NBPF14: variants seen among roughly 807,000 people sequenced by gnomAD.
The protein encoded by NBPF14 is NBPF family member NBPF14.
In NBPF14, 104 loss-of-function variants were observed where a neutral mutation model predicts 91.2. That is an observed-to-expected ratio of 1.14 (90% CI 0.97 to 1.34). NBPF14 has a LOEUF of 1.34. Among genes scored for constraint, NBPF14 ranks in the 40% most tolerant of loss-of-function variants. The pLI, the probability that NBPF14 is intolerant of heterozygous loss-of-function variation, is 0.00. For missense variants in NBPF14, 908 were observed against 783.0 expected (o/e 1.16, Z -1.91); for synonymous variants, 294 against 303.8 (o/e 0.97, Z 0.34).
At chr1:148,559,467 G>C (rs1313553131) in intron 37 of NBPF14, among the ~76,000 whole-genome samples, 3 of 130,956 alleles carry the variant, frequency 2.3e-5, no homozygotes, top group African/African-American at 3.8e-5. Flanking sequence ...TGAAATTAGA[G>C]TGAAGGATGA....
intron 28 of NBPF14, among the ~76,000 whole-genome samples, chr1:148,566,684 C>T (rs1220633806): frequency 1.6e-5 from 2 of 125,276 alleles, no homozygotes; most frequent in South Asian, 5.6e-4. Flanking sequence ...AATAATTTTC[C>T]ATAAAATGTG....
At chr1:148,587,548 C>G (rs1185002253) in intron 7 of NBPF14, 145 bp from the exon 8 acceptor site, 1 of 926,238 alleles carries the variant, frequency 1.1e-6, no homozygotes, top group East Asian at 2.4e-5. Context: ...CATCTTTACT[C>G]TTCAGTCTCC....
chr1:148,593,730 TG>T (rs1353809918), intron 2 of NBPF14, 30 bp from the exon 3 acceptor site: 1 of 1,373,696 alleles, frequency 7.3e-7, no homozygotes, highest in Non-Finnish European at 1.0e-6. Flanking sequence ...CCTGCCTCAG[TG>T]GAAGGCTGGA....
chr1:148,534,771 G>T, exon 69 of NBPF14: 2 of 837,450 alleles, frequency 2.4e-6, no homozygotes, highest in Non-Finnish European at 4.2e-6. Flanking sequence ...GGCAGTTCAA[G>T]ATAACCTGAA....
At chr1:148,592,937 AG>A (rs1343745761) in intron 3 of NBPF14, among the ~76,000 whole-genome samples, 171 bp from the exon 4 acceptor site, 1 of 134,856 alleles carries the variant, frequency 7.4e-6, no homozygotes, top group Non-Finnish European at 1.6e-5. Context: ...AATGGTCTAC[AG>A]GCTTTCCCTC....
chr1:148,589,602 TTC>T (rs1208030133), intron 6 of NBPF14, among the ~76,000 whole-genome samples: 1 of 83,012 alleles, frequency 1.2e-5, no homozygotes, highest in Non-Finnish European at 2.5e-5. Context: ...ACATAAACAC[TTC>T]TACACTTTTC....
intron 7 of NBPF14, among the ~76,000 whole-genome samples, chr1:148,588,773 C>A (rs1661993004): frequency 6.6e-6 from 1 of 151,650 alleles, no homozygotes; most frequent in Admixed American, 6.6e-5. Flanking sequence ...CAGAGCTTTG[C>A]CTGTTGGGCC....
chr1:148,575,754 A>G, exon 17 of NBPF14: 1 of 283,350 alleles, frequency 3.5e-6, no homozygotes, highest in South Asian at 2.3e-5. Context: ...AATAACATCT[A>G]TCCAGTGAGT....
intron 13 of NBPF14, among the ~76,000 whole-genome samples, 194 bp downstream of exon 13, chr1:148,578,880 A>T (rs1660489501): frequency 6.7e-6 from 1 of 148,764 alleles, no homozygotes; most frequent in African/African-American, 2.5e-5. Flanking sequence ...CTAGGAAGAG[A>T]GTAAAGCTCA....
At chr1:148,566,368 G>C (rs1284357212) in intron 28 of NBPF14, 53 bp from the exon 29 acceptor site, 14 of 751,784 alleles carry the variant, frequency 1.9e-5, no homozygotes, top group South Asian at 5.6e-5. Flanking sequence ...AGACACAACA[G>C]AGCCTCAACT....
intron 69 of NBPF14, 113 bp downstream of exon 69, chr1:148,534,571 C>A (rs1342665619): frequency 8.9e-6 from 7 of 786,308 alleles, no homozygotes; most frequent in East Asian, 2.4e-5. Flanking sequence ...GCCCATAGGT[C>A]CTGCCTGCGG....
intron 14 of NBPF14, among the ~76,000 whole-genome samples, 178 bp from the exon 15 acceptor site, chr1:148,577,533 G>A (rs1488276988): frequency 1.4e-5 from 2 of 139,024 alleles, no homozygotes; most frequent in African/African-American, 3.0e-5. Context: ...AGAAAAGGAT[G>A]AACGAGAAAG....
chr1:148,535,211 A>C (rs1654881942), intron 68 of NBPF14, among the ~76,000 whole-genome samples: 1 of 149,788 alleles, frequency 6.7e-6, no homozygotes, highest in South Asian at 2.1e-4. Context: ...AACTTGCTCA[A>C]GATTCCATAC....
At chr1:148,559,659 C>A (rs1324462770) in intron 37 of NBPF14, 134 bp downstream of exon 37, 3 of 604,322 alleles carry the variant, frequency 5.0e-6, no homozygotes, top group Middle Eastern at 4.5e-4. Context: ...GAGTTTCATT[C>A]AACCTACATG....
At chr1:148,566,157 G>C in exon 29 of NBPF14, 1 of 521,478 alleles carries the variant, frequency 1.9e-6, no homozygotes, top group Non-Finnish European at 3.3e-6. Context: ...CACGTCAAGA[G>C]AAAAGCCAAC....
At chr1:148,585,818 AC>A (rs1661428469) in intron 9 of NBPF14, among the ~76,000 whole-genome samples, 1 of 148,788 alleles carries the variant, frequency 6.7e-6, no homozygotes, top group Non-Finnish European at 1.5e-5. Context: ...AATGCTTCAG[AC>A]CCTTGCAAGA....
At chr1:148,534,453 T>G (rs1462037295) in intron 69 of NBPF14, among the ~76,000 whole-genome samples, 3 of 151,732 alleles carry the variant, frequency 2.0e-5, no homozygotes, top group Non-Finnish European at 2.9e-5. Context: ...GAGAATAGGA[T>G]CAGGGCGCCA....
intron 37 of NBPF14, 130 bp downstream of exon 37, chr1:148,559,663 C>G: frequency 1.6e-6 from 1 of 618,148 alleles, no homozygotes; most frequent in South Asian, 1.9e-5. Context: ...TTCATTCAAC[C>G]TACATGTGCC....
rs1367281004 is a variant in NBPF14, at chr1:148,587,202, C to A, written c.1091+99G>T. 3.9e-6 allele frequency: 4 copies of A among 1,034,304 alleles called. No individual in the cohort carries two copies. In the African/African-American group the frequency reaches 4.6e-5, roughly 12 times the overall value. 64.1% of individuals were successfully genotyped at this position (1,034,304 alleles called of 1,614,324 possible). The stretch of plus-strand genomic sequence containing the variant: ...GCCTGCCATGGCAATTCCTGCCCTT[C>A]CCCTGGCCCAGCTGAGCTCTTACGT... On this transcript the variant is annotated intron_variant, in intron 8 of 70. Transcript: ENST00000619423.
Sources: gnomAD v4.1 joint callset for allele counts (sites outside exome capture counted in the v4.1 genomes callset) on GRCh38, gnomAD v4.1.1 for gene constraint, MANE v1.5 for transcripts, NCBI Gene and HGNC (gene_info 2026-07-23, HGNC 2026-07-21) for gene names.